Variants in ZBTB7C observed in about 807,000 individuals in gnomAD.
ZBTB7C encodes the protein zinc finger and BTB domain containing 7C, also known as zinc finger and BTB domain-containing protein 7C.
A neutral mutation model predicts 25.7 loss-of-function variants in ZBTB7C; 8 were observed. The observed-to-expected ratio is 0.31, with a 90% CI of 0.18 to 0.56. The LOEUF (loss-of-function observed/expected upper bound fraction) is 0.56, where lower values mean the gene tolerates loss of function less well. Among genes scored for constraint, ZBTB7C ranks in the 20% least tolerant of loss-of-function variants. The pLI is 0.91. For missense variants in ZBTB7C, 824 were observed against 855.2 expected (o/e 0.96, Z 0.46); for synonymous variants, 394 against 369.0 (o/e 1.07, Z -0.78).
In ZBTB7C at chr18:48,040,796, G is replaced by C; in HGVS notation, c.312C>G (p.Val104=). The C allele has an allele frequency of 1.2e-6, 2 of 1,614,016 alleles. No homozygotes were observed. Among genetic ancestry groups the C allele is most frequent in the Non-Finnish European group, 1.7e-6 (2 of 1,179,974 alleles). ...TSTLTITAGN[V]KHILNAARML... ...TCCTGGCTGCGTTGAGGATGTGCTT[G>C]ACATTGCCAGCGGTGATGGTGAGCG... The change falls in exon 4 of 5, where the codon GTC becomes GTG. Residue 104 remains valine (V), a synonymous_variant. Coordinates refer to ENST00000590800, the MANE Select transcript of ZBTB7C (RefSeq NM_001318841.2).
At chr18:48,079,852 C>T (rs1037228567) in intron 3 of ZBTB7C, among the ~76,000 whole-genome samples, 1 of 152,176 alleles carries the variant, frequency 6.6e-6, no homozygotes, top group African/African-American at 2.4e-5. Flanking sequence ...GGTCCACTTC[C>T]AGGGGGACCG....
chr18:48,130,882 C>A (rs2039965516), intron 3 of ZBTB7C, among the ~76,000 whole-genome samples: 1 of 152,156 alleles, frequency 6.6e-6, no homozygotes, highest in Non-Finnish European at 1.5e-5. Flanking sequence ...TAGGCATGGG[C>A]ATCTATAATC....
chr18:48,168,146 A>G (rs1014986827), intron 3 of ZBTB7C, among the ~76,000 whole-genome samples: 4 of 152,200 alleles, frequency 2.6e-5, no homozygotes, highest in Admixed American at 6.5e-5. Context: ...GAGCTTGGCA[A>G]GAGCCCAGGT....
At chr18:48,041,170 C>T in intron 3 of ZBTB7C, 47 bp from the exon 4 acceptor site, 1 of 1,527,240 alleles carries the variant, frequency 6.5e-7, no homozygotes, top group Non-Finnish European at 8.8e-7. Flanking sequence ...AGCGTGGCCC[C>T]AGGAGGGGTC....
intron 2 of ZBTB7C, among the ~76,000 whole-genome samples, chr18:48,295,224 G>A (rs1468362538): frequency 6.6e-6 from 1 of 152,160 alleles, no homozygotes; most frequent in African/African-American, 2.4e-5. Flanking sequence ...GTAGGTCCAG[G>A]GTGGGCCTGG....
chr18:48,237,326 G>A (rs1432480409), intron 2 of ZBTB7C, among the ~76,000 whole-genome samples: 1 of 145,040 alleles, frequency 6.9e-6, no homozygotes, highest in South Asian at 2.3e-4. Context: ...ACCATTGTGA[G>A]GAGAAGAATG....
In ZBTB7C at chr18:48,029,086, G is replaced by A. The variant is rs1331775146; in HGVS notation, c.*174C>T. On this transcript the variant is annotated 3_prime_UTR_variant, in exon 5 of 5. Coordinates refer to ENST00000590800, the MANE Select transcript of ZBTB7C (RefSeq NM_001318841.2). Reference sequence around the variant, plus strand: ...GATGCCCGTCTCAGACCAGCAAAAGGAGGCAGCTGCTTTAGGAGCCCGGGA... The same window carrying A: ...GATGCCCGTCTCAGACCAGCAAAAGAAGGCAGCTGCTTTAGGAGCCCGGGA... 1 of 950,206 alleles carries A rather than the reference G, an allele frequency of 1.1e-6. No homozygotes were observed. The highest frequency in any genetic ancestry group is 1.5e-6 in the Non-Finnish European group (1 of 684,910). The allele number at this position is 950,206 out of a possible 1,614,324, so 58.9% of individuals were successfully genotyped here. A position where few individuals can be genotyped will look rare whatever the true frequency, so the allele number is the denominator to read the frequency against.
intron 3 of ZBTB7C, among the ~76,000 whole-genome samples, chr18:48,171,875 C>T (rs1046284590): frequency 6.6e-6 from 1 of 152,266 alleles, no homozygotes; most frequent in African/African-American, 2.4e-5. Flanking sequence ...CCTGAAGCCA[C>T]TTGGCAAGTA....
chr18:48,159,946 A>G (rs757215655), intron 3 of ZBTB7C, among the ~76,000 whole-genome samples: 8 of 152,250 alleles, frequency 5.3e-5, no homozygotes, highest in Non-Finnish European at 8.8e-5. Context: ...CAGGATGACA[A>G]GAACCCCTGC....
chr18:48,387,842 GTTGT>G (rs778561001), intron 1 of ZBTB7C, among the ~76,000 whole-genome samples: 2,107 of 147,878 alleles, frequency 0.014, 43 homozygotes, highest in African/African-American at 0.049. Flanking sequence ...TGTTGTTGTT[GTTGT>G]TTGTTTGTTT....
chr18:48,202,854 C>T (rs2042488112), intron 2 of ZBTB7C, among the ~76,000 whole-genome samples: 1 of 151,726 alleles, frequency 6.6e-6, no homozygotes, highest in African/African-American at 2.4e-5. Flanking sequence ...AGCTGTAACC[C>T]ACAACCCTGG....
chr18:48,100,929 A>T (rs922596402), intron 3 of ZBTB7C, among the ~76,000 whole-genome samples: 2 of 151,498 alleles, frequency 1.3e-5, no homozygotes, highest in African/African-American at 4.9e-5. Flanking sequence ...GGCTGGAAAC[A>T]CTGTGCCCTA....
intron 3 of ZBTB7C, among the ~76,000 whole-genome samples, chr18:48,094,095 A>G (rs1346763500): frequency 6.6e-6 from 1 of 152,228 alleles, no homozygotes; most frequent in African/African-American, 2.4e-5. Flanking sequence ...CTTGTTTATT[A>G]TAACCAAAAC....
At chr18:48,324,438 A>T (rs2046169746) in intron 2 of ZBTB7C, among the ~76,000 whole-genome samples, 1 of 152,034 alleles carries the variant, frequency 6.6e-6, no homozygotes, top group African/African-American at 2.4e-5. Flanking sequence ...TAGGAATTAA[A>T]CATCTATTTA....
intron 1 of ZBTB7C, among the ~76,000 whole-genome samples, chr18:48,390,623 G>A (rs562411299): frequency 6.6e-6 from 1 of 152,282 alleles, no homozygotes; most frequent in South Asian, 2.1e-4. Flanking sequence ...CTCACCTCGA[G>A]AGTAAATTCC....
rs555876011 is a variant in ZBTB7C, at chr18:48,200,598, G to A, written c.-78-14603C>T. ...ATAATATGAAAATCCACCTAGTCATGAGGATAGAGTTTTCTAGCAGACAGA... is the reference window on the plus strand; with the variant it reads ...ATAATATGAAAATCCACCTAGTCATAAGGATAGAGTTTTCTAGCAGACAGA... On this transcript the variant is annotated intron_variant, in intron 2 of 4. Transcript: ENST00000590800. 1.4e-4 allele frequency among the ~76,000 whole-genome samples: 21 copies of A among 152,314 alleles called. 1 individual carries two copies. In the South Asian group the frequency reaches 4.4e-3, roughly 32 times the overall value.
At chr18:48,139,403 G>T (rs1030073902) in intron 3 of ZBTB7C, among the ~76,000 whole-genome samples, 1 of 152,148 alleles carries the variant, frequency 6.6e-6, no homozygotes, top group Non-Finnish European at 1.5e-5. Flanking sequence ...GAGGGAAGCT[G>T]TAGGGAGGGG....
At chr18:48,106,462 T>C (rs1300446063) in intron 3 of ZBTB7C, among the ~76,000 whole-genome samples, 2 of 151,400 alleles carry the variant, frequency 1.3e-5, no homozygotes, top group South Asian at 4.2e-4. Context: ...TGAATGAAAG[T>C]TGGTAGAGAA....
intron 2 of ZBTB7C, among the ~76,000 whole-genome samples, chr18:48,281,210 A>G (rs1156403738): frequency 6.6e-6 from 1 of 152,144 alleles, no homozygotes; most frequent in African/African-American, 2.4e-5. Context: ...GCAATGGGGA[A>G]AGGAGTCCCT....
Sources: allele counts gnomAD v4.1 joint callset (sites outside exome capture counted in the v4.1 genomes callset), GRCh38; gene constraint gnomAD v4.1.1; transcripts MANE v1.5; gene names NCBI Gene and HGNC (gene_info 2026-07-23, HGNC 2026-07-21).